Variants in CNTNAP2 observed in about 807,000 individuals in gnomAD.
The protein encoded by CNTNAP2 is contactin-associated protein-like 2.
A neutral mutation model predicts 155.2 loss-of-function variants in CNTNAP2; 98 were observed. The observed-to-expected ratio is 0.63, with a 90% CI of 0.54 to 0.75. CNTNAP2 has a LOEUF of 0.75. Ranked by LOEUF, CNTNAP2 falls within the 30% of genes least tolerant of loss-of-function variation. The probability of loss-of-function intolerance (pLI) is 0.00; values close to 1 mark genes in which losing one functional copy is unlikely to be tolerated. For missense variants in CNTNAP2, 1,727 were observed against 1,688.1 expected, an observed-to-expected ratio of 1.02 and a Z score of -0.40; for synonymous variants, 651 against 631.2, an observed-to-expected ratio of 1.03 and a Z score of -0.47.
intron 2 of CNTNAP2, among the ~76,000 whole-genome samples, chr7:146,787,189 C>T (rs1802588008): frequency 6.6e-6 from 1 of 152,178 alleles, no homozygotes; most frequent in African/African-American, 2.4e-5. Flanking sequence ...GACTTCCTTA[C>T]TCTTCCTCCC....
At chr7:146,554,674 A>G (rs536265550) in intron 1 of CNTNAP2, among the ~76,000 whole-genome samples, 2 of 152,190 alleles carry the variant, frequency 1.3e-5, no homozygotes, top group Non-Finnish European at 2.9e-5. Context: ...AGAGCAGTGG[A>G]CACAGCTCAC....
At chr7:147,013,022 A>T (rs2129244188) in intron 3 of CNTNAP2, among the ~76,000 whole-genome samples, 1 of 152,260 alleles carries the variant, frequency 6.6e-6, no homozygotes, top group African/African-American at 2.4e-5. Flanking sequence ...TTTTAAAACC[A>T]TTTTGACCCC....
intron 1 of CNTNAP2, among the ~76,000 whole-genome samples, chr7:146,737,309 T>C (rs2129180474): frequency 6.6e-6 from 1 of 152,240 alleles, no homozygotes; most frequent in South Asian, 2.1e-4. Context: ...CAACTCAGTA[T>C]TTTTGAAGGA....
At chr7:146,851,800 C>T (rs928650739) in intron 3 of CNTNAP2, among the ~76,000 whole-genome samples, 2 of 151,794 alleles carry the variant, frequency 1.3e-5, no homozygotes, top group African/African-American at 4.8e-5. Flanking sequence ...TCTGTCTCAG[C>T]CTTCTGAGTA....
At chr7:147,391,236 T>A (rs1001200947) in intron 9 of CNTNAP2, among the ~76,000 whole-genome samples, 1 of 152,178 alleles carries the variant, frequency 6.6e-6, no homozygotes, top group African/African-American at 2.4e-5. Flanking sequence ...CACAGCAGTT[T>A]TGCAATCCAG....
chr7:148,090,772 G>T (rs1563196206), intron 15 of CNTNAP2, among the ~76,000 whole-genome samples: 1 of 152,064 alleles, frequency 6.6e-6, no homozygotes, highest in Non-Finnish European at 1.5e-5. Context: ...AATGAAATTA[G>T]TATGTAGAAG....
intron 14 of CNTNAP2, among the ~76,000 whole-genome samples, chr7:147,905,766 T>G (rs1245796182): frequency 6.6e-6 from 1 of 152,004 alleles, no homozygotes; most frequent in East Asian, 1.9e-4. Flanking sequence ...TGCCTGTAAT[T>G]GCAGATACTC....
At position 146,196,938 on chromosome 7, in the gene CNTNAP2, G is replaced by A. The variant is rs77640240; in HGVS notation, c.97+79965G>A. Among the ~76,000 whole-genome samples the A allele has an allele frequency of 8.1e-4, 124 of 152,156 alleles. 2 individuals carry two copies. In the East Asian group the frequency reaches 0.02, roughly 25 times the overall value. ...TTATCTTCAAGTTAGTGTGAAAGCTGCAGGCTATTATCATTGAAACACTGG... is the reference window on the plus strand; with the variant it reads ...TTATCTTCAAGTTAGTGTGAAAGCTACAGGCTATTATCATTGAAACACTGG... On this transcript the variant is annotated intron_variant, in intron 1 of 23. Transcript: ENST00000361727.
intron 13 of CNTNAP2, among the ~76,000 whole-genome samples, chr7:147,735,554 C>T (rs201118011): frequency 1.2e-3 from 176 of 151,786 alleles, no homozygotes; most frequent in African/African-American, 4.0e-3. Flanking sequence ...GGTGCAGAGC[C>T]GAGTTCAATT....
intron 8 of CNTNAP2, among the ~76,000 whole-genome samples, chr7:147,191,418 A>G (rs1052467248): frequency 2.0e-5 from 3 of 152,220 alleles, no homozygotes; most frequent in Non-Finnish European, 4.4e-5. Context: ...GTAAAAACGC[A>G]AAGTTCATGG....
At chr7:148,364,818 C>G (rs1308908618) in intron 21 of CNTNAP2, among the ~76,000 whole-genome samples, 1 of 152,214 alleles carries the variant, frequency 6.6e-6, no homozygotes, top group Admixed American at 6.5e-5. Context: ...CGCTCGGGTC[C>G]TCTTCCACAC....
At chr7:148,177,549 T>A (rs1237790223) in intron 18 of CNTNAP2, among the ~76,000 whole-genome samples, 2 of 152,234 alleles carry the variant, frequency 1.3e-5, no homozygotes, top group Admixed American at 6.5e-5. Flanking sequence ...TAATTCTTGC[T>A]CTTAACAAGG....
chr7:147,230,118 A>G (rs181056639), intron 8 of CNTNAP2, among the ~76,000 whole-genome samples: 326 of 152,342 alleles, frequency 2.1e-3, no homozygotes, highest in African/African-American at 7.6e-3. Flanking sequence ...AATGAAGAAC[A>G]CGCTTTTGAA....
At chr7:148,153,822 C>G (rs1805351454) in intron 17 of CNTNAP2, among the ~76,000 whole-genome samples, 1 of 152,200 alleles carries the variant, frequency 6.6e-6, no homozygotes, top group African/African-American at 2.4e-5. Flanking sequence ...AGCTGGCAAG[C>G]AAACACCACT....
intron 15 of CNTNAP2, among the ~76,000 whole-genome samples, chr7:147,980,011 A>T (rs1014974622): frequency 2.6e-5 from 4 of 152,180 alleles, no homozygotes; most frequent in Non-Finnish European, 4.4e-5. Context: ...TTTATAATTA[A>T]TATTAGCTTA....
chr7:147,732,844 G>A (rs1448786338), intron 13 of CNTNAP2, among the ~76,000 whole-genome samples: 1 of 152,202 alleles, frequency 6.6e-6, no homozygotes, highest in Non-Finnish European at 1.5e-5. Context: ...TTTGAGAAGT[G>A]TCTGTTCATA....
chr7:146,164,878 A>G (rs1798288721), intron 1 of CNTNAP2, among the ~76,000 whole-genome samples: 1 of 152,188 alleles, frequency 6.6e-6, no homozygotes, highest in Admixed American at 6.6e-5. Context: ...CTAATCTTTC[A>G]GGTGGGACCA....
At chr7:147,112,695 C>G (rs759871026) in intron 5 of CNTNAP2, among the ~76,000 whole-genome samples, 5 of 152,100 alleles carry the variant, frequency 3.3e-5, no homozygotes, top group Admixed American at 2.0e-4. Context: ...TATGTTGAAC[C>G]AACCCTACAT....
chr7:146,340,983 A>G (rs886662229), intron 1 of CNTNAP2, among the ~76,000 whole-genome samples: 1 of 152,154 alleles, frequency 6.6e-6, no homozygotes, highest in African/African-American at 2.4e-5. Flanking sequence ...TAGATTATCT[A>G]TTGAAATTCC....
Sources: gnomAD v4.1 joint callset for allele counts (sites outside exome capture counted in the v4.1 genomes callset) on GRCh38, gnomAD v4.1.1 for gene constraint, MANE v1.5 for transcripts, NCBI Gene and HGNC (gene_info 2026-07-23, HGNC 2026-07-21) for gene names.